Variants in ANPEP observed in about 807,000 individuals in gnomAD.
ANPEP encodes aminopeptidase N.
In ANPEP, 70 loss-of-function variants were observed where a neutral mutation model predicts 114.6. That is an observed-to-expected ratio of 0.61 (90% confidence interval 0.50 to 0.75). The LOEUF (loss-of-function observed/expected upper bound fraction) is 0.75. ANPEP is among the 30% of genes least tolerant of loss of function. The probability of loss-of-function intolerance (pLI) is 0.00; values close to 1 mark genes in which losing one functional copy is unlikely to be tolerated. For missense variants in ANPEP, 1,184 were observed against 1,259.5 expected, an observed-to-expected ratio of 0.94 and a Z score of 0.91; for synonymous variants, 548 against 522.3, an observed-to-expected ratio of 1.05 and a Z score of -0.67.
chr15:89,802,440 T>G (rs1345877915), intron 10 of ANPEP: 1 of 152,298 alleles, frequency 6.6e-6, no homozygotes, highest in African/African-American at 2.4e-5. Context: ...ATCCTGGGTC[T>G]CGCTTCCCTG....
At chr15:89,801,861 T>C (rs1400955872) in intron 10 of ANPEP, among the ~76,000 whole-genome samples, 2 of 152,146 alleles carry the variant, frequency 1.3e-5, no homozygotes, top group African/African-American at 4.8e-5. Flanking sequence ...CCCTGAGGTG[T>C]GTATGTCAGG....
At chr15:89,791,462 G>A (rs916643823) in intron 18 of ANPEP, among the ~76,000 whole-genome samples, 9 of 151,988 alleles carry the variant, frequency 5.9e-5, no homozygotes, top group South Asian at 4.2e-4. Flanking sequence ...TTTCGAGACG[G>A]AGTCTCACTC....
In ANPEP at chr15:89,801,488, C is replaced by G; in HGVS notation, c.1689G>C (p.Gln563His). The G allele has an allele frequency of 6.2e-7, 1 of 1,614,182 alleles. No homozygotes were observed. The highest frequency in any genetic ancestry group is 8.5e-7 in the Non-Finnish European group (1 of 1,179,990). ...TVDTSTGTLSQEHFLLDPDSN... is the reference protein window; with the variant it reads ...TVDTSTGTLSHEHFLLDPDSN... ...AATCGGGGTCAAGGAGGAAGTGCTC[C>G]TGGGAAAGGGTCCCCGTGCTGGTAT... is the stretch of plus-strand genomic sequence containing the variant. The change falls in exon 11 of 21, where the codon CAG becomes CAC. Residue 563 changes from glutamine (Q) to histidine (H), a missense_variant. By Grantham distance (24) the Gln-to-His change is conservative (BLOSUM62 0). Coordinates refer to ENST00000300060, the MANE Select transcript of ANPEP (RefSeq NM_001150.3).
chr15:89,805,939 C>T, intron 2 of ANPEP, 31 bp downstream of exon 2: 1 of 1,561,070 alleles, frequency 6.4e-7, no homozygotes, highest in Non-Finnish European at 8.7e-7. Context: ...ACCTCGGATC[C>T]ACCCCACCGG....
At chr15:89,797,435 CT>C (rs3214806) in intron 15 of ANPEP, 139 bp downstream of exon 15, 567 of 1,235,122 alleles carry the variant, frequency 4.6e-4, no homozygotes, top group Non-Finnish European at 5.0e-4. Context: ...GGCAATCTTT[CT>C]TTTTTTTTGG....
Position 89,799,116 on chromosome 15 carries a change from A to C in ANPEP, c.2009+144T>G. 10 of 833,788 alleles carry C rather than the reference A, an allele frequency of 1.2e-5. No individual in the cohort carries two copies. Among genetic ancestry groups the C allele is most frequent in the Non-Finnish European group, 1.9e-5 (10 of 516,156 alleles). The allele number at this position is 833,788 out of a possible 1,614,324, so 51.6% of individuals were successfully genotyped here. A position where few individuals can be genotyped will look rare whatever the true frequency, so the allele number is the denominator to read the frequency against. On this transcript the variant is annotated intron_variant, in intron 14 of 20. Transcript: ENST00000300060. This position sits in a 1 kb window ranked among gnomAD's most constrained non-coding sequence, Gnocchi z 4.2. ...GAAATGGGTGTGTGGGGACCCAGGG[A>C]GGGACGTCCAGGGAGCACAGGAGCT...
intron 20 of ANPEP, among the ~76,000 whole-genome samples, chr15:89,787,713 C>T (rs889351605): frequency 1.3e-5 from 2 of 152,168 alleles, no homozygotes; most frequent in African/African-American, 2.4e-5. Context: ...TGCCTGTAAT[C>T]CAAGCTACTC....
At chr15:89,790,921 C>A in intron 19 of ANPEP, 32 bp downstream of exon 19, 1 of 1,608,608 alleles carries the variant, frequency 6.2e-7, no homozygotes, top group African/African-American at 1.3e-5. Context: ...CCTCGGCGCT[C>A]GCTGTCCCTG....
chr15:89,789,982 C>T lies in ANPEP; in HGVS notation c.2751+478G>A, dbSNP rs527765292. On this transcript the variant is annotated intron_variant, in intron 20 of 20. Coordinates refer to ENST00000300060, the MANE Select transcript of ANPEP (RefSeq NM_001150.3). ...GCTGAGGCAGGAGAATGACGTGAAC[C>T]CGGGAGGCGGAGCTTGCAGTGAGCC... Among the ~76,000 whole-genome samples the T allele has an allele frequency of 3.5e-4, 52 of 149,406 alleles. No homozygotes were observed. The South Asian group carries it at 0.011, about 31-fold the overall frequency.
chr15:89,800,636 A>T (rs1234272633), intron 12 of ANPEP, among the ~76,000 whole-genome samples: 1 of 140,202 alleles, frequency 7.1e-6, no homozygotes, highest in East Asian at 2.1e-4. Flanking sequence ...ATCTTGGCTC[A>T]CTGCAACCTC....
At position 89,797,601 on chromosome 15, in the gene ANPEP, G is replaced by A. The variant is rs745559341; in HGVS notation, c.2131C>T (p.Arg711Cys). The A allele has an allele frequency of 2.4e-5, 38 of 1,613,956 alleles. No individual in the cohort carries two copies. The highest frequency in any genetic ancestry group is 4.4e-5 in the South Asian group (4 of 91,078). ...TTCATGGGGCCATAGACCTCGGAGC[G>A]GTCAAACATGAGCTTGAAGTAGCTC... ...SLSYFKLMFD[R>C]SEVYGPMKNY... The change falls in exon 15 of 21, where the codon CGC (arginine) becomes TGC (cysteine). Residue 711 changes from arginine (R) to cysteine (C), a missense_variant. Transcript: ENST00000300060.
At position 89,797,660 on chromosome 15, in the gene ANPEP, T is replaced by C. The variant is rs1325171468; in HGVS notation, c.2072A>G (p.Gln691Arg). 4 of 1,614,154 alleles carry C rather than the reference T, an allele frequency of 2.5e-6. No individual in the cohort carries two copies. The highest frequency in any genetic ancestry group is 2.7e-5 in the African/African-American group (2 of 75,032). ...NNTLFLIEER[Q>R]YMPWEAALSS... ...CAGGGCGGCCTCCCAGGGCATGTAC[T>C]GTCTCTCTTCAATCAGGAAGAGGGT... The change falls in exon 15 of 21, where the codon CAG becomes CGG. Residue 691 changes from glutamine to arginine, a missense_variant. Physicochemically the swap from Gln to Arg is conservative, Grantham distance 43. Transcript: ENST00000300060.
rs1026709642 is a variant in ANPEP at position 89,805,586 on chromosome 15, C to T, written c.615-123G>A. ...GGCTGCCCCAGCCTAACCCCTGCTC[C>T]TGCTCCCACCCCCGCCTCGCCGGGA... is the stretch of plus-strand genomic sequence containing the variant. On this transcript the variant is annotated intron_variant, in intron 2 of 20. Coordinates refer to ENST00000300060, the MANE Select transcript of ANPEP (RefSeq NM_001150.3). 3.7e-6 allele frequency: 5 copies of T among 1,355,536 alleles called. No individual in the cohort carries two copies. The African/African-American group carries it at 7.4e-5, about 20-fold the overall frequency. 84.0% of individuals were successfully genotyped at this position (1,355,536 alleles called of 1,614,324 possible).
At chr15:89,797,550 T>C (rs552681626) in intron 15 of ANPEP, 25 bp downstream of exon 15, 4 of 1,599,340 alleles carry the variant, frequency 2.5e-6, no homozygotes, top group Non-Finnish European at 3.4e-6. Context: ...AACTGGTTCT[T>C]GAACCCTACC....
Position 89,801,522 on chromosome 15 carries a change from A to G in ANPEP, c.1655T>C (p.Ile552Thr). Residue 552 changes from isoleucine (I) to threonine (T), a missense_variant, in exon 11 of 21, where the codon ATC becomes ACC. By Grantham distance (89) the Ile-to-Thr change is moderately conservative (BLOSUM62 -1). Transcript: ENST00000300060. Reference sequence around the variant, plus strand: ...GGTCCCCGTGCTGGTATCCACCGTGATGACCGGGAAGCCCATCTGCAGGGT... The same window carrying G: ...GGTCCCCGTGCTGGTATCCACCGTGGTGACCGGGAAGCCCATCTGCAGGGT... ...RWTLQMGFPV[I>T]TVDTSTGTLS... 3 of 1,614,190 alleles carry G rather than the reference A, an allele frequency of 1.9e-6. No individual in the cohort carries two copies. Among genetic ancestry groups the G allele is most frequent in the Non-Finnish European group, 2.5e-6 (3 of 1,180,018 alleles).
intron 1 of ANPEP, among the ~76,000 whole-genome samples, chr15:89,811,222 G>A (rs76129569): frequency 2.4e-4 from 37 of 152,296 alleles, no homozygotes; most frequent in Admixed American, 4.6e-4. Context: ...AACCACCTTC[G>A]TGATCCACCT....
At chr15:89,809,527 A>T (rs1894782183) in intron 1 of ANPEP, among the ~76,000 whole-genome samples, 1 of 152,214 alleles carries the variant, frequency 6.6e-6, no homozygotes, top group Non-Finnish European at 1.5e-5. Context: ...TCTAGGCACC[A>T]GGCCAACCCA....
intron 20 of ANPEP, 100 bp downstream of exon 20, chr15:89,790,360 G>A (rs967284426): frequency 3.4e-5 from 36 of 1,066,984 alleles, no homozygotes; most frequent in Middle Eastern, 2.3e-4. Flanking sequence ...TGGCGGCGTG[G>A]AGCCTGTGCT....
Position 89,803,925 on chromosome 15 carries a change from G to C in ANPEP, c.1257C>G (p.Tyr419Ter). Residue 419 changes from tyrosine to a stop codon, truncating the protein, a stop_gained, in exon 7 of 21, where the codon TAC (tyrosine) becomes TAG (stop). Coordinates refer to ENST00000300060, the MANE Select transcript of ANPEP (RefSeq NM_001150.3). LOFTEE classifies it high-confidence loss of function. The surrounding 1 kb of genome is among the most constrained non-coding windows in gnomAD (Gnocchi z 4.2). ...LNEGFASYVE[Y>*]LGADYAEPTW... The stretch of plus-strand genomic sequence containing the variant: ...TGGGCTCCGCATAGTCAGCACCCAG[G>C]TACTCCACGTAGGAGGCGAAGCCCT... 3 of 1,614,182 alleles carry C rather than the reference G, an allele frequency of 1.9e-6. No individual in the cohort carries two copies. The highest frequency in any genetic ancestry group is 1.7e-5 in the Admixed American group (1 of 60,030).
Sources: allele counts gnomAD v4.1 joint callset (sites outside exome capture counted in the v4.1 genomes callset), GRCh38; gene constraint gnomAD v4.1.1; non-coding constraint Gnocchi (gnomAD v3.1); transcripts MANE v1.5; gene names NCBI Gene and HGNC (gene_info 2026-07-23, HGNC 2026-07-21).